METAP2: variants seen among roughly 807,000 people sequenced by gnomAD.
METAP2 encodes the protein methionine aminopeptidase 2.
In METAP2, 25 loss-of-function variants were observed where a neutral mutation model predicts 59.4. The ratio of observed to expected loss-of-function variants is 0.42; its 90% CI spans 0.31 to 0.59. The LOEUF (loss-of-function observed/expected upper bound fraction) is 0.59. METAP2 is among the 20% of genes least tolerant of loss of function. The pLI, the probability that METAP2 is intolerant of heterozygous loss-of-function variation, is 0.16. For synonymous variants in METAP2, 214 were observed against 194.1 expected (o/e 1.10, Z -0.85); for missense variants, 366 against 581.2 (o/e 0.63, Z 3.81).
intron 4 of METAP2, among the ~76,000 whole-genome samples, chr12:95,486,443 T>C (rs1210921143): frequency 2.6e-5 from 4 of 152,156 alleles, no homozygotes; most frequent in African/African-American, 9.6e-5. Context: ...TGATCACTTA[T>C]CCTTAGTGAG....
chr12:95,493,541 T>C (rs1158579426), intron 4 of METAP2, among the ~76,000 whole-genome samples: 1 of 152,192 alleles, frequency 6.6e-6, no homozygotes, highest in Admixed American at 6.5e-5. Context: ...GAAGAATACC[T>C]CTTATATTTA....
intron 7 of METAP2, among the ~76,000 whole-genome samples, chr12:95,502,551 T>G (rs781180023): frequency 9.5e-4 from 144 of 151,956 alleles, no homozygotes; most frequent in Middle Eastern, 6.8e-3. Context: ...TGTGTGTGTG[T>G]GTGGGGGGGT....
At chr12:95,511,635 G>A (rs2076403769) in intron 8 of METAP2, among the ~76,000 whole-genome samples, 1 of 151,950 alleles carries the variant, frequency 6.6e-6, no homozygotes, top group Non-Finnish European at 1.5e-5. Context: ...CAGGTGATCC[G>A]CTTGCCTCGG....
chr12:95,478,983 G>A (rs1303853312), intron 2 of METAP2, among the ~76,000 whole-genome samples: 1 of 152,162 alleles, frequency 6.6e-6, no homozygotes, highest in Non-Finnish European at 1.5e-5. Context: ...TGGGATGGGA[G>A]GATCTTTGAG....
At position 95,514,023 on chromosome 12, in the gene METAP2, C is replaced by A; in HGVS notation, c.*119C>A. The A allele has an allele frequency of 1.7e-6, 2 of 1,177,992 alleles. No individual in the cohort carries two copies. The highest frequency in any genetic ancestry group is 1.9e-5 in the South Asian group (1 of 53,082). 73.0% of individuals were successfully genotyped at this position (1,177,992 alleles called of 1,614,324 possible). A position where few individuals can be genotyped will look rare whatever the true frequency, so the allele number is the denominator to read the frequency against. The stretch of plus-strand genomic sequence containing the variant: ...CAGTGGACCCATGTAATACTTTTAT[C>A]CATGTTTAAAAAAGAAGGAATTTGG... On this transcript the variant is annotated 3_prime_UTR_variant, in exon 11 of 11. Transcript: ENST00000323666.
intron 8 of METAP2, among the ~76,000 whole-genome samples, chr12:95,511,362 C>CTA (rs2076400309): frequency 8.8e-6 from 1 of 113,160 alleles, no homozygotes; most frequent in Admixed American, 9.3e-5. Context: ...TCCTGTATTT[C>CTA]TTTCTTCCAT....
At chr12:95,503,290 G>A (rs1249609098) in intron 7 of METAP2, among the ~76,000 whole-genome samples, 1 of 152,030 alleles carries the variant, frequency 6.6e-6, no homozygotes, top group African/African-American at 2.4e-5. Flanking sequence ...TGAACTTCAG[G>A]TTTTCTCAGG....
At position 95,487,392 on chromosome 12, in the gene METAP2, T is replaced by TA. The variant is rs1391662321; in HGVS notation, c.428+1412dup. On this transcript the variant is annotated intron_variant, in intron 4 of 10. Coordinates refer to ENST00000323666, the MANE Select transcript of METAP2 (RefSeq NM_006838.4). Reference sequence around the variant, plus strand: ...TACCACCTGCTCCCTCATTTCCAGTTACGAATGTTCTTAGGGAATAAGTGT... The same window carrying TA: ...TACCACCTGCTCCCTCATTTCCAGTTAACGAATGTTCTTAGGGAATAAGTGT... Among the ~76,000 whole-genome samples, 10 of 152,244 alleles carry TA rather than the reference T, an allele frequency of 6.6e-5. No homozygotes were observed. In the South Asian group the frequency reaches 1.0e-3, roughly 16 times the overall value.
At chr12:95,499,064 T>C (rs530256655) in intron 7 of METAP2, among the ~76,000 whole-genome samples, 167 of 152,152 alleles carry the variant, frequency 1.1e-3, no homozygotes, top group African/African-American at 3.9e-3. Flanking sequence ...GGTTTATTTC[T>C]GGGCTGTTCA....
In METAP2 at chr12:95,480,510, C is replaced by T. The variant is rs374615346; in HGVS notation, c.260-2705C>T. Among the ~76,000 whole-genome samples the T allele has an allele frequency of 3.9e-5, 6 of 152,216 alleles. No homozygotes were observed. The East Asian group carries it at 7.7e-4, about 20-fold the overall frequency. The stretch of plus-strand genomic sequence containing the variant: ...CAATGGTTGAGAGTTTCAGGTTGTT[C>T]GTATCCTTGTAAGGACTTGGTATTT... On this transcript the variant is annotated intron_variant, in intron 2 of 10. Coordinates refer to ENST00000323666, the MANE Select transcript of METAP2 (RefSeq NM_006838.4).
At position 95,479,208 on chromosome 12, in the gene METAP2, A is replaced by G. The variant is rs556467001; in HGVS notation, c.259+3030A>G. On this transcript the variant is annotated intron_variant, in intron 2 of 10. Coordinates refer to ENST00000323666, the MANE Select transcript of METAP2 (RefSeq NM_006838.4). Reference sequence around the variant, plus strand: ...GAGGCCTCTTAGAAATAGCCCAGGCATATGGTAATGAAGATGTAAACTGAT... The same window carrying G: ...GAGGCCTCTTAGAAATAGCCCAGGCGTATGGTAATGAAGATGTAAACTGAT... Among the ~76,000 whole-genome samples, 207 of 152,374 alleles carry G rather than the reference A, an allele frequency of 1.4e-3. 1 individual carries two copies. The highest frequency in any genetic ancestry group is 4.6e-3 in the African/African-American group (190 of 41,596).
At chr12:95,482,504 G>T (rs1356543888) in intron 2 of METAP2, among the ~76,000 whole-genome samples, 1 of 152,062 alleles carries the variant, frequency 6.6e-6, no homozygotes, top group Non-Finnish European at 1.5e-5. Context: ...TTGAGGCTGG[G>T]TACAGTGGCT....
rs781422875 is a variant in METAP2, at chr12:95,494,197, G to A, written c.570G>A (p.Gly190=). ...RKYVMSWIKP[G]MTMIEICEKL... ...ACGTAATGAGCTGGATCAAGCCTGGGATGACAATGATAGAAATCTGGTAAA... is the reference window on the plus strand; with the variant it reads ...ACGTAATGAGCTGGATCAAGCCTGGAATGACAATGATAGAAATCTGGTAAA... Residue 190 remains glycine (G), a synonymous_variant, in exon 5 of 11, where the codon GGG becomes GGA. Coordinates refer to ENST00000323666, the MANE Select transcript of METAP2 (RefSeq NM_006838.4). The A allele has an allele frequency of 3.1e-6, 5 of 1,613,150 alleles. No homozygotes were observed. In the African/African-American group the frequency reaches 4.0e-5, roughly 13 times the overall value.
chr12:95,503,616 C>T (rs1483330818), intron 7 of METAP2, among the ~76,000 whole-genome samples: 1 of 152,164 alleles, frequency 6.6e-6, no homozygotes. Flanking sequence ...AGCACAGATC[C>T]CTGATGTTTA....
At chr12:95,488,561 C>T (rs1192854142) in intron 4 of METAP2, among the ~76,000 whole-genome samples, 1 of 145,910 alleles carries the variant, frequency 6.9e-6, no homozygotes, top group Non-Finnish European at 1.5e-5. Flanking sequence ...TCCCAGTAGT[C>T]TCTCAGATTT....
chr12:95,480,664 GTGTT>G (rs2076152130), intron 2 of METAP2, among the ~76,000 whole-genome samples: 2 of 152,164 alleles, frequency 1.3e-5, no homozygotes, highest in South Asian at 2.1e-4. Flanking sequence ...CTTTGGTAAA[GTGTT>G]TGTTCACATT....
rs1040466085 is a variant in METAP2 at position 95,514,772 on chromosome 12, A to G, written c.*868A>G. On this transcript the variant is annotated 3_prime_UTR_variant, in exon 11 of 11. Transcript: ENST00000323666. ...TTAAAGCCACAAAAGCAAAGAAGAA[A>G]AAAAAAAACTTCCCATGTTTGGATC... 6 of 152,236 alleles carry G rather than the reference A, an allele frequency of 3.9e-5. No individual in the cohort carries two copies. The highest frequency in any genetic ancestry group is 2.1e-4 in the South Asian group (1 of 4,828). 9.4% of individuals were successfully genotyped at this position (152,236 alleles called of 1,614,324 possible).
chr12:95,497,314 G>T (rs960625527), intron 7 of METAP2, among the ~76,000 whole-genome samples: 1 of 152,110 alleles, frequency 6.6e-6, no homozygotes, highest in Admixed American at 6.5e-5. Flanking sequence ...TTTTACTGCT[G>T]TAAGTACCTC....
chr12:95,498,670 C>T (rs1177231034), intron 7 of METAP2, among the ~76,000 whole-genome samples: 1 of 152,152 alleles, frequency 6.6e-6, no homozygotes, highest in Admixed American at 6.5e-5. Flanking sequence ...TTCCCAGCAC[C>T]ATTTGTTAAG....
Sources: gnomAD v4.1 joint callset for allele counts (sites outside exome capture counted in the v4.1 genomes callset) on GRCh38, gnomAD v4.1.1 for gene constraint, MANE v1.5 for transcripts, NCBI Gene and HGNC (gene_info 2026-07-23, HGNC 2026-07-21) for gene names.